Variants in BLTP3B observed in about 807,000 individuals in gnomAD.
BLTP3B encodes bridge-like lipid transfer protein family member 3B.
chr12:100,142,804 C>T, the BLTP3B span: 2 of 969,238 alleles, frequency 2.1e-6, no homozygotes, highest in Admixed American at 3.3e-5. Flanking sequence ...GCCGAGAACC[C>T]GGAGCATCAC....
chr12:100,106,513 C>T, the BLTP3B span, among the ~76,000 whole-genome samples: 1 of 152,096 alleles, frequency 6.6e-6, no homozygotes, highest in Non-Finnish European at 1.5e-5. Context: ...AATTGAAAAC[C>T]AAATACCACA....
the BLTP3B span, among the ~76,000 whole-genome samples, chr12:100,066,708 G>A: frequency 6.6e-6 from 1 of 151,646 alleles, no homozygotes; most frequent in Non-Finnish European, 1.5e-5. Context: ...GGAGGCTGAA[G>A]CAGGAGAATG....
the BLTP3B span, among the ~76,000 whole-genome samples, chr12:100,063,494 G>A: frequency 1.3e-5 from 2 of 152,104 alleles, no homozygotes; most frequent in East Asian, 3.9e-4. Flanking sequence ...ATCACCTGAG[G>A]TCGGGAGTTC....
chr12:100,059,237 C>A, the BLTP3B span: 1 of 1,613,914 alleles, frequency 6.2e-7, no homozygotes, highest in Non-Finnish European at 8.5e-7. Flanking sequence ...TGTTTTTATT[C>A]AATTGGGGAG....
the BLTP3B span, among the ~76,000 whole-genome samples, chr12:100,072,105 C>T: frequency 2.6e-5 from 4 of 151,670 alleles, no homozygotes; most frequent in East Asian, 7.9e-4. Context: ...TAGTAAAACA[C>T]AGAAAAATTA....
the BLTP3B span, among the ~76,000 whole-genome samples, chr12:100,075,055 A>C: frequency 6.7e-6 from 1 of 149,922 alleles, no homozygotes; most frequent in African/African-American, 2.5e-5. Context: ...TCTGTCACCC[A>C]GGCTGGAGTG....
the BLTP3B span, among the ~76,000 whole-genome samples, chr12:100,102,527 T>C: frequency 0.026 from 3,938 of 152,232 alleles, 164 homozygotes; most frequent in African/African-American, 0.09. Context: ...TCTGCTTCCA[T>C]TTTCTGTTGC....
At chr12:100,098,281 T>C in the BLTP3B span, 1 of 1,467,190 alleles carries the variant, frequency 6.8e-7, no homozygotes, top group South Asian at 1.4e-5. Flanking sequence ...CCATGAGATG[T>C]GATTTTTTTA....
At chr12:100,134,129 T>TAA in the BLTP3B span, among the ~76,000 whole-genome samples, 2 of 150,904 alleles carry the variant, frequency 1.3e-5, no homozygotes, top group Middle Eastern at 3.4e-3. Context: ...CTTAAAAGGA[T>TAA]AAAAAAAAAC....
the BLTP3B span, among the ~76,000 whole-genome samples, chr12:100,122,829 T>A: frequency 6.6e-6 from 1 of 152,110 alleles, no homozygotes; most frequent in African/African-American, 2.4e-5. Context: ...CCTTGCACCA[T>A]CTCCCTTAGG....
chr12:100,047,521 C>T, the BLTP3B span: 2 of 1,582,978 alleles, frequency 1.3e-6, no homozygotes, highest in Non-Finnish European at 1.7e-6. Flanking sequence ...AATAGTTTTT[C>T]ATATATACCT....
At chr12:100,119,020 T>G in the BLTP3B span, among the ~76,000 whole-genome samples, 3 of 152,080 alleles carry the variant, frequency 2.0e-5, no homozygotes, top group African/African-American at 4.8e-5. Flanking sequence ...GAGAATTGCT[T>G]GAACTCAGGA....
chr12:100,115,398 T>C, the BLTP3B span, among the ~76,000 whole-genome samples: 1 of 152,212 alleles, frequency 6.6e-6, no homozygotes, highest in South Asian at 2.1e-4. Context: ...AGGGTGAAAC[T>C]CTGTCTCAAA....
At chr12:100,063,719 A>AG in the BLTP3B span, among the ~76,000 whole-genome samples, 1 of 151,936 alleles carries the variant, frequency 6.6e-6, no homozygotes, top group Non-Finnish European at 1.5e-5. Context: ...AAAAAAAAAA[A>AG]AAGGAAAAGA....
the BLTP3B span, among the ~76,000 whole-genome samples, chr12:100,055,574 G>T: frequency 6.6e-6 from 1 of 151,526 alleles, no homozygotes. Flanking sequence ...CTACTCGGGA[G>T]GCTGAGGCAG....
the BLTP3B span, among the ~76,000 whole-genome samples, chr12:100,095,361 T>C: frequency 9.2e-5 from 14 of 152,190 alleles, no homozygotes; most frequent in African/African-American, 2.7e-4. Context: ...TTTTCCTCAT[T>C]TGCTTTTACT....
the BLTP3B span, among the ~76,000 whole-genome samples, chr12:100,124,934 TTTTATATATA>T: frequency 2.4e-4 from 9 of 37,000 alleles, no homozygotes; most frequent in Admixed American, 9.1e-4. Context: ...AAAAAAAAAA[TTTTATATATA>T]TATATATATA....
the BLTP3B span, among the ~76,000 whole-genome samples, chr12:100,124,199 A>G: frequency 1.3e-5 from 2 of 152,034 alleles, no homozygotes; most frequent in African/African-American, 4.8e-5. Context: ...ACTTGAGCCA[A>G]GAAGTTTGAG....
At chr12:100,142,492 C>G in the BLTP3B span, 8 of 1,354,498 alleles carry the variant, frequency 5.9e-6, no homozygotes, top group Non-Finnish European at 8.2e-6. Flanking sequence ...GGTCGCCTCC[C>G]GCACAGCCGC....
Sources: allele counts gnomAD v4.1 joint callset (sites outside exome capture counted in the v4.1 genomes callset), GRCh38; gene constraint gnomAD v4.1.1; transcripts MANE v1.5; gene names NCBI Gene and HGNC (gene_info 2026-07-23, HGNC 2026-07-21).